Variants in TGM1 observed in about 807,000 individuals in gnomAD.
The protein encoded by TGM1 is protein-glutamine gamma-glutamyltransferase K.
In TGM1, 63 loss-of-function variants were observed where a neutral mutation model predicts 88.7. The observed-to-expected ratio is 0.71, with a 90% CI of 0.58 to 0.88. The LOEUF (loss-of-function observed/expected upper bound fraction) is 0.88. Ranked by LOEUF, TGM1 falls within the 40% of genes least tolerant of loss-of-function variation. The pLI, the probability that TGM1 is intolerant of heterozygous loss-of-function variation, is 0.00. For missense variants in TGM1, 996 were observed against 1,118.0 expected, an observed-to-expected ratio of 0.89 and a Z score of 1.56; for synonymous variants, 415 against 431.1, an observed-to-expected ratio of 0.96 and a Z score of 0.46.
intron 14 of TGM1, 65 bp downstream of exon 14, chr14:24,254,087 G>C (rs941684632): frequency 1.0e-5 from 16 of 1,566,004 alleles, no homozygotes; most frequent in Non-Finnish European, 1.4e-5. Flanking sequence ...GCAAAGCTGG[G>C]AGCCAGGGCA....
intron 14 of TGM1, among the ~76,000 whole-genome samples, chr14:24,253,365 C>T (rs1283005558): frequency 6.6e-6 from 1 of 152,196 alleles, no homozygotes; most frequent in Non-Finnish European, 1.5e-5. Flanking sequence ...AAGTCGCTTG[C>T]CCAAGGGCAT....
rs374457839 is a variant in TGM1 at position 24,254,023 on chromosome 14, C to T, written c.2225+129G>A. ...GGGCCGGGAGGTATTGCTAGCTGGCCCCAACCTGCTTGGTTGGGTCCTGAC... is the reference window on the plus strand; with the variant it reads ...GGGCCGGGAGGTATTGCTAGCTGGCTCCAACCTGCTTGGTTGGGTCCTGAC... On this transcript the variant is annotated intron_variant, in intron 14 of 14. Coordinates refer to ENST00000206765, the MANE Select transcript of TGM1 (RefSeq NM_000359.3). The T allele has an allele frequency of 9.4e-6, 13 of 1,381,574 alleles. No individual in the cohort carries two copies. In the East Asian group the frequency reaches 2.0e-4, roughly 21 times the overall value. 85.6% of individuals were successfully genotyped at this position (1,381,574 alleles called of 1,614,324 possible). A position where few individuals can be genotyped will look rare whatever the true frequency, so the allele number is the denominator to read the frequency against.
intron 12 of TGM1, 28 bp from the exon 13 acceptor site, chr14:24,254,852 AG>A: frequency 6.2e-7 from 1 of 1,613,374 alleles, no homozygotes. Context: ...GGCGTCACTG[AG>A]GCCTGCTTCC....
In TGM1 at chr14:24,255,899, C is replaced by T. The variant is rs994667755; in HGVS notation, c.1491+90G>A. On this transcript the variant is annotated intron_variant, in intron 10 of 14. Transcript: ENST00000206765. The surrounding 1 kb of genome is among the most constrained non-coding windows in gnomAD (Gnocchi z 4.0). ...GACTTGTATAATGAGTGACTTGCCC[C>T]GGGTCGCAGAGCTGGTCAGTCAGCG... The T allele has an allele frequency of 1.8e-5, 20 of 1,106,978 alleles. No individual in the cohort carries two copies. Among genetic ancestry groups the T allele is most frequent in the Admixed American group, 1.2e-4 (6 of 50,394 alleles). 68.6% of individuals were successfully genotyped at this position (1,106,978 alleles called of 1,614,324 possible).
intron 4 of TGM1, 179 bp from the exon 5 acceptor site, chr14:24,260,237 T>C: frequency 2.1e-6 from 2 of 959,842 alleles, no homozygotes; most frequent in South Asian, 2.8e-5. Flanking sequence ...AGATTGGCTG[T>C]AGCCAGGGGC....
chr14:24,251,257 C>T (rs2040698913), intron 14 of TGM1, among the ~76,000 whole-genome samples: 1 of 152,170 alleles, frequency 6.6e-6, no homozygotes, highest in South Asian at 2.1e-4. Flanking sequence ...AGGCTATGTC[C>T]TGACTGCTTA....
rs138497842 is a variant in TGM1 at position 24,250,179 on chromosome 14, T to TGTGTGTGA, written c.2226-639_2226-638insTCACACAC. ...GTGTGTGTGTGTGTGTGTGTGTGTG[T>TGTGTGTGA]GAGAGAGACAGAGAGGTGGGTGGAC... is the stretch of plus-strand genomic sequence containing the variant. On this transcript the variant is annotated intron_variant, in intron 14 of 14. Coordinates refer to ENST00000206765, the MANE Select transcript of TGM1 (RefSeq NM_000359.3). 5.2e-3 allele frequency among the ~76,000 whole-genome samples: 733 copies of TGTGTGTGA among 140,794 alleles called. 9 individuals carry two copies. The highest frequency in any genetic ancestry group is 0.017 in the African/African-American group (615 of 37,160). 92.4% of individuals were successfully genotyped at this position (140,794 alleles called of 152,430 possible). A position where few individuals can be genotyped will look rare whatever the true frequency, so the allele number is the denominator to read the frequency against.
In TGM1 at chr14:24,249,296, T is replaced by C. The variant is rs1422395782; in HGVS notation, c.*17A>G. On this transcript the variant is annotated 3_prime_UTR_variant, in exon 15 of 15. Transcript: ENST00000206765. The stretch of plus-strand genomic sequence containing the variant: ...CCTTGCTCATCTGACTCCAGTCCCA[T>C]TGCTCCTGGCACGGGGCTAAGCTCC... The C allele has an allele frequency of 1.2e-6, 2 of 1,608,838 alleles. No individual in the cohort carries two copies. The highest frequency in any genetic ancestry group is 1.7e-5 in the Admixed American group (1 of 59,992).
At position 24,259,057 on chromosome 14, in the gene TGM1, T is replaced by C. The variant is rs1459894120; in HGVS notation, c.1159+18A>G. On this transcript the variant is annotated intron_variant, in intron 7 of 14. Transcript: ENST00000206765. The surrounding 1 kb of genome is among the most constrained non-coding windows in gnomAD (Gnocchi z 5.7). ...CCCTGTAGGGCCCGGGCCACTCCTG[T>C]CCCAGTCCCTCCACTACCTGTGGTG... 6.2e-7 allele frequency: 1 copy of C among 1,613,520 alleles called. No homozygotes were observed. The highest frequency in any genetic ancestry group is 8.5e-7 in the Non-Finnish European group (1 of 1,179,846).
chr14:24,261,630 C>G, intron 3 of TGM1, 65 bp downstream of exon 3: 1 of 1,602,638 alleles, frequency 6.2e-7, no homozygotes, highest in Non-Finnish European at 8.5e-7. Context: ...CCTCTCTGAC[C>G]CTAATGCCAG....
In TGM1 at chr14:24,259,175, T is replaced by A. The variant is rs747038767; in HGVS notation, c.1059A>T (p.Ser353=). Residue 353 remains serine (S), a synonymous_variant, in exon 7 of 15, where the codon TCA becomes TCT. Transcript: ENST00000206765. This position sits in a 1 kb window ranked among gnomAD's most constrained non-coding sequence, Gnocchi z 5.7. The part of the protein sequence containing the change: ...SGDYSRGTNP[S]AWVGSVEILL... ...GGATCTCCACGCTGCCCACCCACGC[T>A]GATGGGTTGGTGCCTCGGGAGTAAT... 2 of 1,614,056 alleles carry A rather than the reference T, an allele frequency of 1.2e-6. No homozygotes were observed. Among genetic ancestry groups the A allele is most frequent in the Non-Finnish European group, 1.7e-6 (2 of 1,179,942 alleles).
chr14:24,258,346 A>T lies in TGM1; in HGVS notation c.1341T>A (p.Asp447Glu). Reference sequence around the variant, plus strand: ...GCCACCCATCAAAGCCCGAGGGCAGATCCGGCCTCTTCATCCAGCAGTCGT... The same window carrying T: ...GCCACCCATCAAAGCCCGAGGGCAGTTCCGGCCTCTTCATCCAGCAGTCGT... ...VWNDCWMKRP[D>E]LPSGFDGWQV... The change falls in exon 9 of 15, where the codon GAT (aspartate) becomes GAA (glutamate). Residue 447 changes from aspartate (D) to glutamate (E), a missense_variant. Physicochemically the swap from Asp to Glu is conservative, Grantham distance 45. Transcript: ENST00000206765. 1 of 1,614,110 alleles carries T rather than the reference A, an allele frequency of 6.2e-7. No homozygotes were observed. The highest frequency in any genetic ancestry group is 1.7e-5 in the Admixed American group (1 of 60,020).
rs757697165 is a variant in TGM1 at position 24,255,245 on chromosome 14, C to T, written c.1654G>A (p.Ala552Thr). 10 of 1,613,758 alleles carry T rather than the reference C, an allele frequency of 6.2e-6. No homozygotes were observed. Among genetic ancestry groups the T allele is most frequent in the East Asian group, 2.2e-5 (1 of 44,892 alleles). Reference sequence around the variant, plus strand: ...GCTGTCTCTACTGCCTTCCGCTCTGCGTCTGAGCCTGGGGGTTGAGGGTCA... The same window carrying T: ...GCTGTCTCTACTGCCTTCCGCTCTGTGTCTGAGCCTGGGGGTTGAGGGTCA... ...YLYKHPEGSD[A>T]ERKAVETAAA... Residue 552 changes from alanine to threonine, a missense_variant, in exon 12 of 15, where the codon GCA (alanine) becomes ACA (threonine). By Grantham distance (58) the Ala-to-Thr change is moderately conservative (BLOSUM62 0). Coordinates refer to ENST00000206765, the MANE Select transcript of TGM1 (RefSeq NM_000359.3). This position sits in a 1 kb window ranked among gnomAD's most constrained non-coding sequence, Gnocchi z 4.0.
At chr14:24,250,804 C>G (rs1243650444) in intron 14 of TGM1, among the ~76,000 whole-genome samples, 1 of 152,166 alleles carries the variant, frequency 6.6e-6, no homozygotes, top group Non-Finnish European at 1.5e-5. Flanking sequence ...TTTGCTCGTG[C>G]CTGTGGGAAT....
Position 24,256,001 on chromosome 14 carries a change from G to A in TGM1, c.1479C>T (p.Phe493=). ...GLVYMKYDTP[F]IFAEVNSDKV... Reference sequence around the variant, plus strand: ...GCCCAGCCCTCACCTCAGCAAAAATGAAAGGCGTGTCGTACTTCATGTAGA... The same window carrying A: ...GCCCAGCCCTCACCTCAGCAAAAATAAAAGGCGTGTCGTACTTCATGTAGA... The change falls in exon 10 of 15, where the codon TTC becomes TTT. Residue 493 remains phenylalanine (F), a synonymous_variant. Coordinates refer to ENST00000206765, the MANE Select transcript of TGM1 (RefSeq NM_000359.3). 4 of 1,563,414 alleles carry A rather than the reference G, an allele frequency of 2.6e-6. No individual in the cohort carries two copies. The highest frequency in any genetic ancestry group is 1.4e-5 in the African/African-American group (1 of 73,826).
chr14:24,262,787 T>C (rs2040825670), intron 1 of TGM1, among the ~76,000 whole-genome samples: 1 of 152,230 alleles, frequency 6.6e-6, no homozygotes, highest in Non-Finnish European at 1.5e-5. Context: ...CTAGAACTCA[T>C]TTCTTAGCAG....
chr14:24,255,011 T>C lies in TGM1; in HGVS notation c.1888A>G (p.Lys630Glu), dbSNP rs1463593069. The C allele has an allele frequency of 2.5e-6, 4 of 1,613,964 alleles. No homozygotes were observed. In the South Asian group the frequency reaches 4.4e-5, roughly 18 times the overall value. Residue 630 changes from lysine (K) to glutamate (E), a missense_variant, in exon 12 of 15, where the codon AAG becomes GAG. Coordinates refer to ENST00000206765, the MANE Select transcript of TGM1 (RefSeq NM_000359.3). This position sits in a 1 kb window ranked among gnomAD's most constrained non-coding sequence, Gnocchi z 4.0. ...FYTGVSGTIF[K>E]ETKKEVELAP... ...AGCTCCACTTCCTTCTTGGTCTCCT[T>C]GAAGATGGTACCACTGACACCAGTA...
intron 1 of TGM1, among the ~76,000 whole-genome samples, chr14:24,262,713 T>A (rs1477150123): frequency 6.6e-6 from 1 of 152,210 alleles, no homozygotes; most frequent in Non-Finnish European, 1.5e-5. Context: ...TGCTCCAGCA[T>A]CCCTGGGCCT....
rs367872941 is a variant in TGM1 at position 24,262,246 on chromosome 14, C to A, written c.107G>T (p.Arg36Leu). ...EPEPEPDGRS[R>L]RGGGRSFWAR... Reference sequence around the variant, plus strand: ...CCAGAAGGAACGGCCTCCTCCTCTGCGAGAGCGTCCGTCTGGCTCTGGCTC... The same window carrying A: ...CCAGAAGGAACGGCCTCCTCCTCTGAGAGAGCGTCCGTCTGGCTCTGGCTC... The change falls in exon 2 of 15, where the codon CGC (arginine) becomes CTC (leucine). Residue 36 changes from arginine to leucine, a missense_variant. Physicochemically the swap from Arg to Leu is moderately radical, Grantham distance 102. Transcript: ENST00000206765. 4 of 1,613,790 alleles carry A rather than the reference C, an allele frequency of 2.5e-6. No homozygotes were observed. Among genetic ancestry groups the A allele is most frequent in the Non-Finnish European group, 2.5e-6 (3 of 1,180,042 alleles).
Sources: gnomAD v4.1 joint callset for allele counts (sites outside exome capture counted in the v4.1 genomes callset) on GRCh38, gnomAD v4.1.1 for gene constraint, Gnocchi (gnomAD v3.1) non-coding constraint, MANE v1.5 for transcripts, NCBI Gene and HGNC (gene_info 2026-07-23, HGNC 2026-07-21) for gene names.